SORCS2: variants seen among roughly 807,000 people sequenced by gnomAD.
The protein encoded by SORCS2 is VPS10 domain-containing receptor SorCS2.
In SORCS2, 100 loss-of-function variants were observed where a neutral mutation model predicts 141.6. The ratio of observed to expected loss-of-function variants is 0.71; its 90% CI spans 0.60 to 0.83. SORCS2 has a LOEUF of 0.83. Ranked by LOEUF, SORCS2 falls within the 40% of genes least tolerant of loss-of-function variation. SORCS2 has a pLI of 0.00. For synonymous variants in SORCS2, 789 were observed against 676.9 expected, an observed-to-expected ratio of 1.17 and a Z score of -2.57; for missense variants, 1,646 against 1,560.2, an observed-to-expected ratio of 1.05 and a Z score of -0.93.
intron 2 of SORCS2, among the ~76,000 whole-genome samples, chr4:7,458,582 T>C (rs1729073052): frequency 6.6e-6 from 1 of 152,242 alleles, no homozygotes; most frequent in Non-Finnish European, 1.5e-5. Context: ...TTAAAACTTG[T>C]TAAACACCTT....
intron 3 of SORCS2, among the ~76,000 whole-genome samples, chr4:7,554,139 G>A (rs1450709978): frequency 1.3e-5 from 2 of 152,050 alleles, no homozygotes; most frequent in Non-Finnish European, 2.9e-5. Flanking sequence ...CTGATTCCTT[G>A]CCTTGATCTC....
chr4:7,513,176 A>G (rs1732767224), intron 2 of SORCS2, among the ~76,000 whole-genome samples: 1 of 152,174 alleles, frequency 6.6e-6, no homozygotes, highest in African/African-American at 2.4e-5. Context: ...TCGAATCTCT[A>G]GAATGGGACC....
chr4:7,214,616 G>C (rs1038686772), intron 1 of SORCS2, among the ~76,000 whole-genome samples: 3 of 152,230 alleles, frequency 2.0e-5, no homozygotes, highest in African/African-American at 7.2e-5. Context: ...CCCTGGGATA[G>C]ACTCACAGGA....
intron 1 of SORCS2, among the ~76,000 whole-genome samples, chr4:7,386,700 CAG>C (rs1478248772): frequency 1.3e-5 from 2 of 149,276 alleles, no homozygotes; most frequent in Non-Finnish European, 3.0e-5. Context: ...CATGCACACA[CAG>C]ATACAGAGAT....
At chr4:7,438,718 T>G (rs1336252522) in intron 2 of SORCS2, among the ~76,000 whole-genome samples, 1 of 152,080 alleles carries the variant, frequency 6.6e-6, no homozygotes, top group Admixed American at 6.6e-5. Context: ...TTTACTTATG[T>G]TTTTTTAAAA....
chr4:7,224,310 A>G (rs1728875097), intron 1 of SORCS2, among the ~76,000 whole-genome samples: 2 of 152,222 alleles, frequency 1.3e-5, no homozygotes, highest in African/African-American at 4.8e-5. Context: ...GTGTGAAGAC[A>G]AATGCACCAT....
At chr4:7,278,153 T>G (rs1444594123) in intron 1 of SORCS2, among the ~76,000 whole-genome samples, 1 of 152,170 alleles carries the variant, frequency 6.6e-6, no homozygotes, top group East Asian at 1.9e-4. Flanking sequence ...AGCCCCACGC[T>G]GCACCCTGGG....
At chr4:7,212,487 C>A (rs891583344) in intron 1 of SORCS2, among the ~76,000 whole-genome samples, 1 of 152,250 alleles carries the variant, frequency 6.6e-6, no homozygotes, top group African/African-American at 2.4e-5. Flanking sequence ...TCAGGCATGA[C>A]TGGCTCTAGG....
chr4:7,622,330 G>T (rs1478609162), intron 3 of SORCS2, among the ~76,000 whole-genome samples: 6 of 152,202 alleles, frequency 3.9e-5, no homozygotes, highest in Admixed American at 6.5e-5. Context: ...TTGTAGCTTT[G>T]CAGGGCTCTG....
chr4:7,416,723 C>CA (rs1250564505), intron 2 of SORCS2, among the ~76,000 whole-genome samples: 1 of 28,436 alleles, frequency 3.5e-5, no homozygotes, highest in Non-Finnish European at 1.0e-4. Flanking sequence ...TGCACACACT[C>CA]AGACACACAC....
intron 1 of SORCS2, among the ~76,000 whole-genome samples, chr4:7,288,299 G>A (rs918580472): frequency 3.9e-5 from 6 of 152,080 alleles, no homozygotes; most frequent in African/African-American, 1.4e-4. Flanking sequence ...AGACGTGGGG[G>A]CCCCGTGGTC....
Position 7,330,935 on chromosome 4 carries a change from C to T in SORCS2, c.481-65353C>T, listed in dbSNP as rs149640511. On this transcript the variant is annotated intron_variant, in intron 1 of 26. Coordinates refer to ENST00000507866, the MANE Select transcript of SORCS2 (RefSeq NM_020777.3). Reference sequence around the variant, plus strand: ...TGCTGGCACATCTGTGAACAAGGCTCGCTGCCACAGCCTGCAGGCGCTCAC... The same window carrying T: ...TGCTGGCACATCTGTGAACAAGGCTTGCTGCCACAGCCTGCAGGCGCTCAC... 9.8e-4 allele frequency among the ~76,000 whole-genome samples: 149 copies of T among 152,254 alleles called. 1 individual carries two copies. Among genetic ancestry groups the T allele is most frequent in the African/African-American group, 3.4e-3 (140 of 41,580 alleles).
intron 12 of SORCS2, among the ~76,000 whole-genome samples, chr4:7,701,106 T>G (rs1725049045): frequency 6.6e-6 from 1 of 152,100 alleles, no homozygotes; most frequent in South Asian, 2.1e-4. Context: ...TTAATCCTTC[T>G]TGGCCCTGGT....
chr4:7,431,938 A>G (rs747506477), intron 2 of SORCS2: 1 of 152,274 alleles, frequency 6.6e-6, no homozygotes, highest in Non-Finnish European at 1.5e-5. Flanking sequence ...CTCAGGTGAA[A>G]TACCAGCTTC....
intron 2 of SORCS2, among the ~76,000 whole-genome samples, chr4:7,458,108 G>A (rs1399655271): frequency 1.3e-5 from 2 of 152,200 alleles, no homozygotes; most frequent in Non-Finnish European, 2.9e-5. Flanking sequence ...GTACTTCTGC[G>A]AAAAGTTTGA....
chr4:7,578,803 G>A (rs528936451), intron 3 of SORCS2, among the ~76,000 whole-genome samples: 1 of 152,140 alleles, frequency 6.6e-6, no homozygotes, highest in African/African-American at 2.4e-5. Flanking sequence ...TGATCTTGTG[G>A]TTTCTCCCAG....
rs1310153485 is a variant in SORCS2, at chr4:7,531,613, C to G, written c.632C>G (p.Pro211Arg). Reference sequence around the variant, plus strand: ...GTCATCGACAATTTCTACATCTGCCCGACCAACAAGAGGAAGGTAGGTGCT... The same window carrying G: ...GTCATCGACAATTTCTACATCTGCCGGACCAACAAGAGGAAGGTAGGTGCT... ...TTVIDNFYIC[P>R]TNKRKVILVS... The change falls in exon 3 of 27, where the codon CCG becomes CGG. Residue 211 changes from proline to arginine, a missense_variant. Transcript: ENST00000507866. 6.2e-7 allele frequency: 1 copy of G among 1,613,714 alleles called. No homozygotes were observed. The highest frequency in any genetic ancestry group is 1.1e-5 in the South Asian group (1 of 91,068).
At chr4:7,600,523 C>T (rs978980415) in intron 3 of SORCS2, among the ~76,000 whole-genome samples, 3 of 152,108 alleles carry the variant, frequency 2.0e-5, no homozygotes, top group African/African-American at 4.8e-5. Flanking sequence ...CTCCCAGTCC[C>T]GGCTGGCAGG....
At chr4:7,689,361 C>T (rs1724070350) in intron 10 of SORCS2, 125 bp from the exon 11 acceptor site, 9 of 816,054 alleles carry the variant, frequency 1.1e-5, no homozygotes, top group Non-Finnish European at 1.8e-5. Context: ...TCCGTTCCTC[C>T]AAGGCACTCC....
Sources: gnomAD v4.1 joint callset for allele counts (sites outside exome capture counted in the v4.1 genomes callset) on GRCh38, gnomAD v4.1.1 for gene constraint, MANE v1.5 for transcripts, NCBI Gene and HGNC (gene_info 2026-07-23, HGNC 2026-07-21) for gene names.